Variants in IL1R2 observed in about 807,000 individuals in gnomAD.
IL1R2 encodes interleukin-1 receptor type 2.
Under a neutral mutation model 39.5 loss-of-function variants are expected in IL1R2, and 46 were observed. The observed-to-expected ratio is 1.16, with a 90% CI of 0.92 to 1.49. IL1R2 has a LOEUF of 1.49. Among genes scored for constraint, IL1R2 ranks in the 40% most tolerant of loss-of-function variants. The probability of loss-of-function intolerance (pLI) is 0.00; values close to 1 mark genes in which losing one functional copy is unlikely to be tolerated. For missense variants in IL1R2, 537 were observed against 502.0 expected (o/e 1.07, Z -0.67); for synonymous variants, 207 against 189.6 (o/e 1.09, Z -0.75).
chr2:102,013,280 T>A (rs1308074004), intron 3 of IL1R2, among the ~76,000 whole-genome samples: 2 of 151,910 alleles, frequency 1.3e-5, no homozygotes, highest in Non-Finnish European at 2.9e-5. Flanking sequence ...TTGTCAACTG[T>A]AAGATTGGGA....
chr2:102,024,734 T>C, intron 7 of IL1R2, 66 bp downstream of exon 7: 1 of 1,605,684 alleles, frequency 6.2e-7, no homozygotes, highest in Non-Finnish European at 8.5e-7. Context: ...GAGACAGTTA[T>C]CACTATGACC....
chr2:102,005,053 G>A (rs746550174), intron 1 of IL1R2, among the ~76,000 whole-genome samples: 1 of 152,226 alleles, frequency 6.6e-6, no homozygotes, highest in Non-Finnish European at 1.5e-5. Flanking sequence ...CACTTTACCT[G>A]TAGAAAGAAG....
intron 1 of IL1R2, among the ~76,000 whole-genome samples, chr2:101,999,289 C>G (rs1047322523): frequency 6.6e-6 from 1 of 152,186 alleles, no homozygotes; most frequent in Non-Finnish European, 1.5e-5. Flanking sequence ...GATTATAAGA[C>G]AGAAAGCAAA....
intron 4 of IL1R2, among the ~76,000 whole-genome samples, chr2:102,017,494 T>A (rs982968197): frequency 6.6e-6 from 1 of 152,162 alleles, no homozygotes; most frequent in South Asian, 2.1e-4. Flanking sequence ...TAGATGTTAT[T>A]TGATGTGCTC....
At position 102,009,756 on chromosome 2, in the gene IL1R2, G is replaced by A; in HGVS notation, c.262G>A (p.Ala88Thr). The change falls in exon 3 of 9, where the codon GCC becomes ACC. Residue 88 changes from alanine (A) to threonine (T), a missense_variant. Ala to Thr is a moderately conservative substitution (Grantham distance 58). Transcript: ENST00000332549. ...AGGAGAAGAAGAGACACGGATGTGG[G>A]CCCAGGACGGTGCTCTGTGGCTTCT... is the stretch of plus-strand genomic sequence containing the variant. ...VPGEEETRMWAQDGALWLLPA... is the reference protein window; with the variant it reads ...VPGEEETRMWTQDGALWLLPA... 6.2e-7 allele frequency: 1 copy of A among 1,614,202 alleles called. No homozygotes were observed. Among genetic ancestry groups the A allele is most frequent in the Non-Finnish European group, 8.5e-7 (1 of 1,180,036 alleles).
At chr2:102,019,482 A>C (rs764365952) in intron 4 of IL1R2, among the ~76,000 whole-genome samples, 156 bp from the exon 5 acceptor site, 25 of 152,234 alleles carry the variant, frequency 1.6e-4, no homozygotes, top group Non-Finnish European at 3.2e-4. Context: ...CTAATAATAC[A>C]GTCAAACGTA....
chr2:102,002,732 A>C (rs111207470), intron 1 of IL1R2, among the ~76,000 whole-genome samples: 2 of 151,270 alleles, frequency 1.3e-5, no homozygotes, highest in Non-Finnish European at 2.9e-5. Flanking sequence ...GCCTATGCCT[A>C]TGTCTATGTC....
Position 102,000,846 on chromosome 2 carries a change from G to A in IL1R2, c.-61-7669G>A, listed in dbSNP as rs1559411444. Among the ~76,000 whole-genome samples the A allele has an allele frequency of 3.3e-5, 5 of 152,200 alleles. No homozygotes were observed. In the South Asian group the frequency reaches 6.2e-4, roughly 19 times the overall value. On this transcript the variant is annotated intron_variant, in intron 1 of 8. Coordinates refer to ENST00000332549, the MANE Select transcript of IL1R2 (RefSeq NM_004633.4). The stretch of plus-strand genomic sequence containing the variant: ...GCTCCGTGTTTATAATGGGGATGCT[G>A]AGCTCTACCAGACTCATGAGTTTTG...
chr2:102,022,455 G>T (rs1360740619), intron 6 of IL1R2, among the ~76,000 whole-genome samples: 2 of 152,184 alleles, frequency 1.3e-5, no homozygotes, highest in African/African-American at 4.8e-5. Context: ...GTTAGAAATG[G>T]CATAATCTGA....
chr2:102,003,907 C>T (rs1042621918), intron 1 of IL1R2, among the ~76,000 whole-genome samples: 17 of 151,686 alleles, frequency 1.1e-4, no homozygotes, highest in Non-Finnish European at 2.9e-5. Context: ...GTGTCTCTGT[C>T]TGTGTCTATG....
chr2:101,998,709 T>C (rs142954419), intron 1 of IL1R2, among the ~76,000 whole-genome samples: 1 of 152,298 alleles, frequency 6.6e-6, no homozygotes, highest in East Asian at 1.9e-4. Context: ...GCTAGGATTG[T>C]CAACCAATGC....
chr2:102,004,327 C>T lies in IL1R2; in HGVS notation c.-61-4188C>T, dbSNP rs77607765. Among the ~76,000 whole-genome samples the T allele has an allele frequency of 2.5e-4, 27 of 108,656 alleles. No homozygotes were observed. The East Asian group carries it at 7.3e-3, about 29-fold the overall frequency. 71.3% of individuals were successfully genotyped at this position (108,656 alleles called of 152,430 possible). ...ACCTGGGCCTCAGTGCGTGCTCTAC[C>T]ACCTGTCCAACTCAGGGCTGTGCAT... On this transcript the variant is annotated intron_variant, in intron 1 of 8. Coordinates refer to ENST00000332549, the MANE Select transcript of IL1R2 (RefSeq NM_004633.4).
chr2:102,003,635 T>G (rs1266311668), intron 1 of IL1R2, among the ~76,000 whole-genome samples: 23 of 122,674 alleles, frequency 1.9e-4, no homozygotes, highest in African/African-American at 7.0e-4. Context: ...GTCCCATGTC[T>G]GTGTCTGTGT....
chr2:101,994,181 G>A (rs981617127), intron 1 of IL1R2, among the ~76,000 whole-genome samples: 1 of 152,114 alleles, frequency 6.6e-6, no homozygotes, highest in African/African-American at 2.4e-5. Flanking sequence ...CCTCTCTCCC[G>A]GGGTCTTCAG....
At chr2:102,019,854 T>C in intron 5 of IL1R2, 42 bp downstream of exon 5, 1 of 1,533,706 alleles carries the variant, frequency 6.5e-7, no homozygotes, top group Non-Finnish European at 9.0e-7. Context: ...CCTGGTTCAA[T>C]AACAAGCATG....
intron 3 of IL1R2, among the ~76,000 whole-genome samples, chr2:102,013,371 C>T (rs59790570): frequency 2.6e-5 from 4 of 151,598 alleles, no homozygotes; most frequent in Non-Finnish European, 5.9e-5. Flanking sequence ...CTGCCCTGTT[C>T]TCATGATTGT....
intron 5 of IL1R2, 162 bp from the exon 6 acceptor site, chr2:102,022,024 AT>A: frequency 1.6e-6 from 1 of 642,686 alleles, no homozygotes; most frequent in South Asian, 1.9e-5. Flanking sequence ...AGGATGCTCG[AT>A]TTTGTAGAGA....
At chr2:102,011,535 G>A (rs958612478) in intron 3 of IL1R2, among the ~76,000 whole-genome samples, 2 of 152,108 alleles carry the variant, frequency 1.3e-5, no homozygotes, top group African/African-American at 2.4e-5. Context: ...GTGCATCTTC[G>A]CTGGAGACAC....
intron 1 of IL1R2, among the ~76,000 whole-genome samples, chr2:101,995,521 T>C (rs1382177275): frequency 6.6e-6 from 1 of 152,210 alleles, no homozygotes; most frequent in Non-Finnish European, 1.5e-5. Context: ...GGTGGGACCC[T>C]GAGCAGAGAC....
Sources: allele counts gnomAD v4.1 joint callset (sites outside exome capture counted in the v4.1 genomes callset), GRCh38; gene constraint gnomAD v4.1.1; transcripts MANE v1.5; gene names NCBI Gene and HGNC (gene_info 2026-07-23, HGNC 2026-07-21).